TMCO5A: variants seen among roughly 807,000 people sequenced by gnomAD.
TMCO5A encodes the protein transmembrane and coiled-coil domains 5A, also known as transmembrane and coiled-coil domain-containing protein 5A.
TMCO5A carries 34 observed loss-of-function variants against 42.3 expected under a neutral mutation model. The observed-to-expected ratio is 0.80, with a 90% CI of 0.61 to 1.07. The LOEUF (loss-of-function observed/expected upper bound fraction) is 1.07, where lower values mean the gene tolerates loss of function less well. Among genes scored for constraint, TMCO5A ranks in the 50% least tolerant of loss-of-function variants. TMCO5A has a pLI of 0.00. For missense variants in TMCO5A, 357 were observed against 327.9 expected, an observed-to-expected ratio of 1.09 and a Z score of -0.69; for synonymous variants, 131 against 115.6, an observed-to-expected ratio of 1.13 and a Z score of -0.86.
At chr15:37,979,220 G>T in the TMCO5A span, among the ~76,000 whole-genome samples, 2 of 152,052 alleles carry the variant, frequency 1.3e-5, no homozygotes. Context: ...TTTTCCGTAA[G>T]GCAGCGGTGC....
chr15:37,990,375 C>A, the TMCO5A span, among the ~76,000 whole-genome samples: 1 of 151,908 alleles, frequency 6.6e-6, no homozygotes, highest in African/African-American at 2.4e-5. Flanking sequence ...TTCTTTGTTC[C>A]TTGTGATTGT....
chr15:38,024,894 C>T, the TMCO5A span: 1 of 152,304 alleles, frequency 6.6e-6, no homozygotes, highest in African/African-American at 2.4e-5. Context: ...CTTCATGAGG[C>T]CTGCCAGGTA....
chr15:37,945,881 C>A (rs1595594600), intron 10 of TMCO5A, among the ~76,000 whole-genome samples: 1 of 152,072 alleles, frequency 6.6e-6, no homozygotes, highest in Non-Finnish European at 1.5e-5. Context: ...TTAAGTATAT[C>A]CCACTTGTCT....
At chr15:38,013,928 T>C in the TMCO5A span, among the ~76,000 whole-genome samples, 1 of 152,172 alleles carries the variant, frequency 6.6e-6, no homozygotes, top group Non-Finnish European at 1.5e-5. Flanking sequence ...TATTTTTAGC[T>C]TCTAAAGGTG....
intron 11 of TMCO5A, among the ~76,000 whole-genome samples, chr15:37,965,667 T>C (rs1193909840): frequency 6.6e-6 from 1 of 152,172 alleles, no homozygotes; most frequent in African/African-American, 2.4e-5. Context: ...GTACTTGACA[T>C]CATTGATCAT....
the TMCO5A span, among the ~76,000 whole-genome samples, chr15:38,011,936 C>T: frequency 6.6e-6 from 1 of 151,920 alleles, no homozygotes; most frequent in Non-Finnish European, 1.5e-5. Context: ...CACCCTGGCT[C>T]ACATGGTGAA....
chr15:37,937,946 C>T (rs1277440798), intron 5 of TMCO5A, among the ~76,000 whole-genome samples: 1 of 152,002 alleles, frequency 6.6e-6, no homozygotes, highest in Non-Finnish European at 1.5e-5. Context: ...GAAAGTACTC[C>T]TGCTTTGAGT....
chr15:37,961,641 A>C (rs2140815290), intron 11 of TMCO5A, among the ~76,000 whole-genome samples: 1 of 152,176 alleles, frequency 6.6e-6, no homozygotes, highest in African/African-American at 2.4e-5. Flanking sequence ...TGTCATTTTC[A>C]CAATATTGAT....
At chr15:37,981,416 C>T in the TMCO5A span, among the ~76,000 whole-genome samples, 2 of 152,128 alleles carry the variant, frequency 1.3e-5, no homozygotes. Flanking sequence ...TATTTTACTG[C>T]AGCTATTAAC....
chr15:37,938,911 T>C (rs1889628271), intron 6 of TMCO5A, among the ~76,000 whole-genome samples: 1 of 152,196 alleles, frequency 6.6e-6, no homozygotes, highest in African/African-American at 2.4e-5. Flanking sequence ...GAGAGAAATT[T>C]CTTGTGTATA....
downstream of TMCO5A, chr15:37,951,661 A>C (rs1334011222): frequency 6.5e-6 from 1 of 153,204 alleles, no homozygotes; most frequent in Non-Finnish European, 1.5e-5. Context: ...ATTTATACTT[A>C]CATATTTAAA....
chr15:37,990,991 T>C, the TMCO5A span, among the ~76,000 whole-genome samples: 8 of 152,222 alleles, frequency 5.3e-5, no homozygotes, highest in Admixed American at 3.3e-4. Context: ...ATAACTGTTT[T>C]ATGCATCAAT....
At chr15:38,005,344 G>A in the TMCO5A span, among the ~76,000 whole-genome samples, 1 of 145,052 alleles carries the variant, frequency 6.9e-6, no homozygotes. Flanking sequence ...GGGAAGCTGA[G>A]CGCAGGTGTT....
At chr15:38,005,052 A>T in the TMCO5A span, among the ~76,000 whole-genome samples, 1 of 152,080 alleles carries the variant, frequency 6.6e-6, no homozygotes, top group African/African-American at 2.4e-5. Context: ...AACAGAGTAC[A>T]GGTCTGTTTC....
At chr15:37,968,904 A>G (rs779495378), downstream of TMCO5A, among the ~76,000 whole-genome samples, 1 of 152,172 alleles carries the variant, frequency 6.6e-6, no homozygotes, top group Non-Finnish European at 1.5e-5. Flanking sequence ...CAAAATAATT[A>G]TTTATCAGAA....
At chr15:38,010,444 C>T in the TMCO5A span, among the ~76,000 whole-genome samples, 9 of 147,532 alleles carry the variant, frequency 6.1e-5, no homozygotes, top group South Asian at 8.8e-4. Flanking sequence ...CACACACACA[C>T]ACACACACAC....
chr15:38,018,190 T>C, the TMCO5A span, among the ~76,000 whole-genome samples: 2 of 152,178 alleles, frequency 1.3e-5, no homozygotes, highest in African/African-American at 2.4e-5. Flanking sequence ...GATACCATCG[T>C]TAATCAAGGC....
the TMCO5A span, among the ~76,000 whole-genome samples, chr15:37,975,069 T>C: frequency 0.024 from 3,639 of 152,282 alleles, 150 homozygotes; most frequent in African/African-American, 0.083. Flanking sequence ...TTTCTTGGTA[T>C]TGATTTCTAT....
chr15:37,940,709 C>G (rs1164170568), intron 6 of TMCO5A, among the ~76,000 whole-genome samples: 2 of 151,982 alleles, frequency 1.3e-5, no homozygotes, highest in Non-Finnish European at 2.9e-5. Context: ...ATGCTTCACT[C>G]CAGCATAGCA....
Sources: gnomAD v4.1 joint callset for allele counts (sites outside exome capture counted in the v4.1 genomes callset) on GRCh38, gnomAD v4.1.1 for gene constraint, MANE v1.5 for transcripts, NCBI Gene and HGNC (gene_info 2026-07-23, HGNC 2026-07-21) for gene names.